The following RNLS variants were observed in gnomAD, a reference collection of about 807,000 sequenced individuals.
RNLS encodes renalase, FAD dependent amine oxidase.
Under a neutral mutation model 39.8 loss-of-function variants are expected in RNLS, and 39 were observed. The ratio of observed to expected loss-of-function variants is 0.98; its 90% CI spans 0.76 to 1.28. The LOEUF (loss-of-function observed/expected upper bound fraction) is 1.28, where lower values mean the gene tolerates loss of function less well. Ranked by LOEUF, RNLS falls within the 50% of genes most tolerant of loss-of-function variation. The pLI is 0.00. For synonymous variants in RNLS, 147 were observed against 150.7 expected (o/e 0.98, Z 0.18); for missense variants, 410 against 413.3 (o/e 0.99, Z 0.07).
At chr10:88,350,464 G>A (rs1024576051) in intron 5 of RNLS, among the ~76,000 whole-genome samples, 2 of 152,148 alleles carry the variant, frequency 1.3e-5, no homozygotes, top group African/African-American at 4.8e-5. Context: ...TCCCACCTAT[G>A]AGTGAGAACA....
chr10:88,471,248 A>T (rs1217210338), intron 4 of RNLS, among the ~76,000 whole-genome samples: 1 of 129,904 alleles, frequency 7.7e-6, no homozygotes, highest in East Asian at 2.4e-4. Flanking sequence ...TGTCATTAAT[A>T]GATAACTGAA....
chr10:88,189,299 A>T, the RNLS span, among the ~76,000 whole-genome samples: 9 of 152,344 alleles, frequency 5.9e-5, no homozygotes, highest in Non-Finnish European at 1.0e-4. Flanking sequence ...TATGTCATTC[A>T]TCTTATAATT....
chr10:88,503,638 A>G lies in RNLS; in HGVS notation c.526+69265T>C, dbSNP rs796076557. On this transcript the variant is annotated intron_variant, in intron 4 of 6. Transcript: ENST00000331772. ...CCAATGAGATAATATTTGTAACAGC[A>G]TCTAGCACAGGTGCTATCATACATA... Among the ~76,000 whole-genome samples the G allele has an allele frequency of 9.2e-5, 14 of 152,350 alleles. 1 individual carries two copies. Among genetic ancestry groups the G allele is most frequent in the African/African-American group, 3.1e-4 (13 of 41,596 alleles).
the RNLS span, among the ~76,000 whole-genome samples, chr10:88,173,416 G>A: frequency 2.0e-5 from 3 of 152,158 alleles, no homozygotes; most frequent in Non-Finnish European, 4.4e-5. Flanking sequence ...GTCAGGTAAC[G>A]TGATGCCTCC....
chr10:88,299,447 AC>A, intron 6 of RNLS, among the ~76,000 whole-genome samples: 1 of 151,860 alleles, frequency 6.6e-6, no homozygotes, highest in Middle Eastern at 3.4e-3. Context: ...AGATGGTGAA[AC>A]CCCATCTCTA....
intron 4 of RNLS, among the ~76,000 whole-genome samples, chr10:88,416,855 C>T (rs1227211234): frequency 1.3e-5 from 2 of 152,138 alleles, no homozygotes; most frequent in African/African-American, 2.4e-5. Flanking sequence ...TCTTGGAAAC[C>T]CAGGAAACAG....
intron 5 of RNLS, among the ~76,000 whole-genome samples, chr10:88,335,375 T>C (rs1020758021): frequency 1.4e-4 from 22 of 152,032 alleles, no homozygotes; most frequent in Non-Finnish European, 7.4e-5. Context: ...TGTGCCACCA[T>C]GCCTGGCTAA....
intron 4 of RNLS, among the ~76,000 whole-genome samples, chr10:88,469,563 A>G (rs1471001501): frequency 6.6e-6 from 1 of 152,192 alleles, no homozygotes; most frequent in East Asian, 1.9e-4. Flanking sequence ...TTAAAGAAAT[A>G]CTGAATTAAA....
chr10:88,401,852 A>G (rs1343173101), intron 4 of RNLS, among the ~76,000 whole-genome samples: 1 of 152,094 alleles, frequency 6.6e-6, no homozygotes, highest in East Asian at 1.9e-4. Flanking sequence ...TGCCTAATCC[A>G]ACTATGGGTA....
At chr10:88,410,073 A>G (rs1404106679) in intron 4 of RNLS, among the ~76,000 whole-genome samples, 1 of 152,138 alleles carries the variant, frequency 6.6e-6, no homozygotes, top group Non-Finnish European at 1.5e-5. Flanking sequence ...AAAGCAAGCA[A>G]CAGGCTGGAT....
chr10:88,455,833 C>A (rs1182882581), intron 4 of RNLS, among the ~76,000 whole-genome samples: 2 of 152,098 alleles, frequency 1.3e-5, no homozygotes, highest in South Asian at 4.1e-4. Context: ...TCCCACAAAA[C>A]AAAACAAAAC....
intron 4 of RNLS, among the ~76,000 whole-genome samples, chr10:88,476,292 T>C (rs1230794962): frequency 6.6e-6 from 1 of 152,192 alleles, no homozygotes; most frequent in African/African-American, 2.4e-5. Context: ...ACTTAGATTT[T>C]TGTTAAATAC....
At chr10:88,238,988 A>T in the RNLS span, among the ~76,000 whole-genome samples, 2 of 152,118 alleles carry the variant, frequency 1.3e-5, no homozygotes, top group Non-Finnish European at 2.9e-5. Flanking sequence ...ACATGTAAGG[A>T]AATCCTTCTT....
chr10:88,480,787 T>TTGTGTGTG (rs60584908), intron 4 of RNLS, among the ~76,000 whole-genome samples: 4,720 of 147,584 alleles, frequency 0.032, 126 homozygotes, highest in East Asian at 0.13. Flanking sequence ...TCCTGTGTCT[T>TTGTGTGTG]TGTGTGTGTG....
At chr10:88,201,351 G>C in the RNLS span, among the ~76,000 whole-genome samples, 1 of 152,164 alleles carries the variant, frequency 6.6e-6, no homozygotes, top group Non-Finnish European at 1.5e-5. Context: ...TTGATGAACA[G>C]AAGAGAGTGA....
chr10:88,582,349 GAGCCTT>G (rs759314914), intron 1 of RNLS, 42 bp from the exon 2 acceptor site: 25 of 1,509,706 alleles, frequency 1.7e-5, no homozygotes, highest in Non-Finnish European at 2.3e-5. Flanking sequence ...GCATGACAAT[GAGCCTT>G]AGCAATTAAT....
intron 4 of RNLS, among the ~76,000 whole-genome samples, chr10:88,570,552 T>C (rs979861583): frequency 2.0e-5 from 3 of 152,250 alleles, no homozygotes; most frequent in Admixed American, 6.5e-5. Context: ...TACCTATATT[T>C]ATTTTGAGGT....
At chr10:88,374,006 G>A (rs562555272) in intron 4 of RNLS, among the ~76,000 whole-genome samples, 1 of 152,010 alleles carries the variant, frequency 6.6e-6, no homozygotes. Flanking sequence ...GCAGAAGTAT[G>A]ATCTACCTTA....
chr10:88,500,790 T>C (rs913080878), intron 4 of RNLS, among the ~76,000 whole-genome samples: 7 of 152,136 alleles, frequency 4.6e-5, no homozygotes, highest in Admixed American at 2.0e-4. Context: ...GTTTTATTTC[T>C]CCTCTGATCT....
Sources: allele counts gnomAD v4.1 joint callset (sites outside exome capture counted in the v4.1 genomes callset), GRCh38; gene constraint gnomAD v4.1.1; transcripts MANE v1.5; gene names NCBI Gene and HGNC (gene_info 2026-07-23, HGNC 2026-07-21).